Variants in UTRN observed in about 807,000 individuals in gnomAD.
UTRN encodes the protein utrophin, also known as dystrophin-related protein 1.
Under a neutral mutation model 463.9 loss-of-function variants are expected in UTRN, and 283 were observed. The observed-to-expected ratio is 0.61, with a 90% CI of 0.55 to 0.67. The LOEUF (loss-of-function observed/expected upper bound fraction) is 0.67, where lower values mean the gene tolerates loss of function less well. Among genes scored for constraint, UTRN ranks in the 30% least tolerant of loss-of-function variants. UTRN has a pLI of 0.00. For missense variants in UTRN, 3,922 were observed against 4,084.3 expected, an observed-to-expected ratio of 0.96 and a Z score of 1.08; for synonymous variants, 1,442 against 1,431.5, an observed-to-expected ratio of 1.01 and a Z score of -0.17.
intron 30 of UTRN, among the ~76,000 whole-genome samples, chr6:144,489,037 T>C (rs990015504): frequency 6.6e-6 from 1 of 151,320 alleles, no homozygotes; most frequent in African/African-American, 2.4e-5. Context: ...GTTTATTTTA[T>C]TTTATTTTAT....
At chr6:144,784,513 T>C (rs530497997) in intron 61 of UTRN, among the ~76,000 whole-genome samples, 7 of 152,208 alleles carry the variant, frequency 4.6e-5, no homozygotes, top group Non-Finnish European at 1.0e-4. Context: ...AATGACCTCA[T>C]TTTAACTTAA....
chr6:144,696,768 C>G (rs753229805), intron 52 of UTRN, among the ~76,000 whole-genome samples: 1 of 152,208 alleles, frequency 6.6e-6, no homozygotes, highest in East Asian at 1.9e-4. Flanking sequence ...GTGGGTGCTC[C>G]GTAAATGTTT....
Position 144,405,503 on chromosome 6 carries a change from C to A in UTRN, c.141+2319C>A, listed in dbSNP as rs151006287. Among the ~76,000 whole-genome samples the A allele has an allele frequency of 2.9e-3, 440 of 152,140 alleles. 2 individuals are homozygous for A. The highest frequency in any genetic ancestry group is 0.01 in the African/African-American group (419 of 41,502). On this transcript the variant is annotated intron_variant, in intron 3 of 74. Transcript: ENST00000367545. Reference sequence around the variant, plus strand: ...TAGAACAAGAAAAAAAAATAAATCCCGTTGAAGGGAACGAATTTTTTTTTT... The same window carrying A: ...TAGAACAAGAAAAAAAAATAAATCCAGTTGAAGGGAACGAATTTTTTTTTT...
At chr6:144,511,165 C>A in intron 35 of UTRN, 42 bp downstream of exon 35, 1 of 1,413,360 alleles carries the variant, frequency 7.1e-7, no homozygotes, top group Non-Finnish European at 9.4e-7. Context: ...CTTCTCCTCT[C>A]TTCTAGTTAT....
chr6:144,772,961 T>C (rs544391552), intron 59 of UTRN, among the ~76,000 whole-genome samples: 2 of 151,820 alleles, frequency 1.3e-5, no homozygotes, highest in South Asian at 2.1e-4. Context: ...TCTTTAAATG[T>C]TGGGCTTCTG....
intron 53 of UTRN, among the ~76,000 whole-genome samples, chr6:144,720,957 C>T (rs1562815258): frequency 6.6e-6 from 1 of 152,140 alleles, no homozygotes; most frequent in African/African-American, 2.4e-5. Flanking sequence ...TTATGCCTAA[C>T]GTATTTTTAT....
At chr6:144,724,009 C>CAAAAAAAAAAAAAA (rs59598919) in intron 53 of UTRN, among the ~76,000 whole-genome samples, 7 of 58,744 alleles carry the variant, frequency 1.2e-4, no homozygotes, top group Admixed American at 2.0e-4. Context: ...GACTCCATCT[C>CAAAAAAAAAAAAAA]AAAAAAAAAA....
At chr6:144,637,466 T>C (rs1317814688) in intron 51 of UTRN, among the ~76,000 whole-genome samples, 1 of 151,958 alleles carries the variant, frequency 6.6e-6, no homozygotes, top group African/African-American at 2.4e-5. Context: ...TATGAAATAA[T>C]GCACGTTTCT....
chr6:144,588,394 T>A (rs1052714205), intron 51 of UTRN, among the ~76,000 whole-genome samples: 17 of 152,216 alleles, frequency 1.1e-4, no homozygotes, highest in African/African-American at 3.9e-4. Flanking sequence ...AACAGTATAA[T>A]TAGATCTGAT....
chr6:144,599,154 T>TA (rs1327364482), intron 51 of UTRN, among the ~76,000 whole-genome samples: 2 of 152,102 alleles, frequency 1.3e-5, no homozygotes, highest in Admixed American at 6.6e-5. Context: ...TCTTTACTAA[T>TA]AAAGGACAGA....
intron 52 of UTRN, among the ~76,000 whole-genome samples, chr6:144,685,839 TG>T (rs1330877409): frequency 2.6e-5 from 4 of 152,196 alleles, no homozygotes; most frequent in African/African-American, 9.6e-5. Flanking sequence ...TTCTGTGGGT[TG>T]TTTTTTTGCT....
chr6:144,461,860 A>G (rs943223360), intron 22 of UTRN, among the ~76,000 whole-genome samples: 1 of 152,072 alleles, frequency 6.6e-6, no homozygotes, highest in African/African-American at 2.4e-5. Flanking sequence ...AATTTTTATG[A>G]TTATGCCTAT....
At chr6:144,505,148 C>G (rs1794588620) in intron 34 of UTRN, among the ~76,000 whole-genome samples, 1 of 152,070 alleles carries the variant, frequency 6.6e-6, no homozygotes, top group Non-Finnish European at 1.5e-5. Context: ...TGATTCTTCT[C>G]TCTTTTCTTC....
At chr6:144,493,825 C>T (rs895700038) in intron 33 of UTRN, among the ~76,000 whole-genome samples, 118 of 151,776 alleles carry the variant, frequency 7.8e-4, no homozygotes, top group African/African-American at 2.6e-3. Context: ...CAAATGAAAA[C>T]CTCCAAAAAC....
intron 46 of UTRN, among the ~76,000 whole-genome samples, chr6:144,548,347 A>G (rs1798593805): frequency 6.6e-6 from 1 of 152,200 alleles, no homozygotes; most frequent in South Asian, 2.1e-4. Context: ...CATCTTGCCA[A>G]AATAAAATAA....
At chr6:144,480,362 A>G (rs2128573101) in intron 26 of UTRN, among the ~76,000 whole-genome samples, 1 of 152,334 alleles carries the variant, frequency 6.6e-6, no homozygotes, top group Admixed American at 6.5e-5. Flanking sequence ...TGCACAATCC[A>G]GTGGCATTAA....
chr6:144,589,625 A>G (rs1802806024), intron 51 of UTRN, among the ~76,000 whole-genome samples: 2 of 152,190 alleles, frequency 1.3e-5, no homozygotes. Flanking sequence ...TTAACTAAGT[A>G]ATAGATATTG....
At chr6:144,627,789 CTTCT>C (rs1776094360) in intron 51 of UTRN, among the ~76,000 whole-genome samples, 1 of 145,642 alleles carries the variant, frequency 6.9e-6, no homozygotes, top group Non-Finnish European at 1.5e-5. Context: ...TCTGCATTTC[CTTCT>C]GTGTTTTTTT....
chr6:144,761,665 A>AATC (rs1300645106), intron 58 of UTRN, among the ~76,000 whole-genome samples: 1 of 151,948 alleles, frequency 6.6e-6, no homozygotes, highest in Non-Finnish European at 1.5e-5. Flanking sequence ...TAATAATAAT[A>AATC]ATAATAAATA....
Sources: gnomAD v4.1 joint callset for allele counts (sites outside exome capture counted in the v4.1 genomes callset) on GRCh38, gnomAD v4.1.1 for gene constraint, MANE v1.5 for transcripts, NCBI Gene and HGNC (gene_info 2026-07-23, HGNC 2026-07-21) for gene names.